Variants in ZFYVE9 observed in about 807,000 individuals in gnomAD.
ZFYVE9 encodes zinc finger FYVE-type containing 9, also known as zinc finger FYVE domain-containing protein 9.
In ZFYVE9, 43 loss-of-function variants were observed where a neutral mutation model predicts 126.7. The observed-to-expected ratio is 0.34, with a 90% confidence interval of 0.27 to 0.44. The LOEUF is 0.44. ZFYVE9 is among the 20% of genes least tolerant of loss of function. ZFYVE9 has a pLI of 1.00. For missense variants in ZFYVE9, 1,476 were observed against 1,697.0 expected (o/e 0.87, Z 2.29); for synonymous variants, 521 against 597.4 (o/e 0.87, Z 1.87).
intron 2 of ZFYVE9, among the ~76,000 whole-genome samples, chr1:52,226,721 A>G (rs1197402910): frequency 6.6e-6 from 1 of 152,216 alleles, no homozygotes; most frequent in Non-Finnish European, 1.5e-5. Flanking sequence ...TGAGACATCA[A>G]TCAACATATG....
intron 12 of ZFYVE9, among the ~76,000 whole-genome samples, chr1:52,303,428 T>C (rs1646053688): frequency 6.6e-6 from 1 of 152,188 alleles, no homozygotes; most frequent in Non-Finnish European, 1.5e-5. Context: ...CAGATATTCA[T>C]TGAGTGCCTA....
chr1:52,258,800 ATC>A, intron 4 of ZFYVE9, among the ~76,000 whole-genome samples: 1 of 151,728 alleles, frequency 6.6e-6, no homozygotes, highest in East Asian at 1.9e-4. Context: ...AACGTAAAGG[ATC>A]TCTCTATACT....
chr1:52,163,090 G>A (rs1016453878), intron 1 of ZFYVE9: 5 of 208,816 alleles, frequency 2.4e-5, no homozygotes, highest in South Asian at 1.5e-4. Flanking sequence ...TGTACTTTGC[G>A]TATTCTTCCC....
At chr1:52,157,834 A>G (rs1333863378) in intron 1 of ZFYVE9, among the ~76,000 whole-genome samples, 3 of 152,138 alleles carry the variant, frequency 2.0e-5, no homozygotes, top group East Asian at 1.9e-4. Context: ...CCTGGCCCCT[A>G]TTGCTATCAA....
At chr1:52,229,996 T>C (rs1299187875) in intron 2 of ZFYVE9, among the ~76,000 whole-genome samples, 1 of 151,862 alleles carries the variant, frequency 6.6e-6, no homozygotes, top group Non-Finnish European at 1.5e-5. Context: ...GCTTCCTGAG[T>C]AGCTGGGACT....
chr1:52,329,564 A>G (rs889920056), intron 13 of ZFYVE9, among the ~76,000 whole-genome samples: 1 of 152,180 alleles, frequency 6.6e-6, no homozygotes, highest in African/African-American at 2.4e-5. Flanking sequence ...AACCTATAAA[A>G]TGGGAGAAAA....
intron 10 of ZFYVE9, among the ~76,000 whole-genome samples, chr1:52,288,917 C>A (rs1645889789): frequency 8.2e-6 from 1 of 122,448 alleles, no homozygotes; most frequent in South Asian, 2.7e-4. Context: ...CAGAGCGAGA[C>A]TCTGTCTCAA....
At chr1:52,318,626 A>T (rs1646210049) in intron 13 of ZFYVE9, among the ~76,000 whole-genome samples, 1 of 152,012 alleles carries the variant, frequency 6.6e-6, no homozygotes, top group Non-Finnish European at 1.5e-5. Context: ...TTATATATAT[A>T]AAAAAAGACT....
At chr1:52,228,842 C>T (rs74856267) in intron 2 of ZFYVE9, among the ~76,000 whole-genome samples, 3,074 of 151,468 alleles carry the variant, frequency 0.02, 101 homozygotes, top group African/African-American at 0.07. Flanking sequence ...CAGTGCCTGA[C>T]ACTTGGTTAT....
At chr1:52,339,723 A>C (rs1412874258) in intron 16 of ZFYVE9, among the ~76,000 whole-genome samples, 1 of 152,252 alleles carries the variant, frequency 6.6e-6, no homozygotes, top group African/African-American at 2.4e-5. Context: ...CAGGTATGCA[A>C]ACATGAAGAA....
intron 1 of ZFYVE9, among the ~76,000 whole-genome samples, chr1:52,157,112 G>A (rs1001349477): frequency 3.3e-5 from 5 of 152,224 alleles, no homozygotes; most frequent in East Asian, 1.9e-4. Context: ...GATTACAGGC[G>A]TGAGCCACCG....
chr1:52,316,574 A>G (rs1469940100), intron 13 of ZFYVE9, among the ~76,000 whole-genome samples: 1 of 152,202 alleles, frequency 6.6e-6, no homozygotes, highest in Non-Finnish European at 1.5e-5. Flanking sequence ...AGGTTATTTC[A>G]GAACATATAT....
At chr1:52,182,505 T>G (rs1298000207) in intron 1 of ZFYVE9, among the ~76,000 whole-genome samples, 2 of 152,232 alleles carry the variant, frequency 1.3e-5, no homozygotes, top group East Asian at 3.9e-4. Flanking sequence ...TTAAATGGAT[T>G]AAGGGCGGTG....
chr1:52,244,007 GT>G (rs988270245), intron 4 of ZFYVE9, among the ~76,000 whole-genome samples: 3 of 152,164 alleles, frequency 2.0e-5, no homozygotes, highest in African/African-American at 7.2e-5. Context: ...GAGGAATGTA[GT>G]TTGTGAAAGG....
In ZFYVE9 at chr1:52,244,628, C is replaced by T. The variant is rs144313297; in HGVS notation, c.2178+5033C>T. On this transcript the variant is annotated intron_variant, in intron 4 of 18. Transcript: ENST00000287727. ...AATAGTGAATTGAAATTTCAAGAGC[C>T]CTTTGTGCTTGGCATCAAACTTTCA... Among the ~76,000 whole-genome samples, 12 of 152,160 alleles carry T rather than the reference C, an allele frequency of 7.9e-5. No individual in the cohort carries two copies. The East Asian group carries it at 2.3e-3, about 29-fold the overall frequency.
chr1:52,291,676 G>A (rs1282542564), intron 10 of ZFYVE9, among the ~76,000 whole-genome samples: 2 of 151,908 alleles, frequency 1.3e-5, no homozygotes, highest in Admixed American at 6.6e-5. Flanking sequence ...TCAGGAGTTC[G>A]AGACCAGCCT....
intron 1 of ZFYVE9, among the ~76,000 whole-genome samples, chr1:52,174,960 T>G (rs1644610365): frequency 6.6e-6 from 1 of 152,202 alleles, no homozygotes; most frequent in Non-Finnish European, 1.5e-5. Context: ...CTTTATCCAA[T>G]TTGCCAGTCT....
intron 1 of ZFYVE9, among the ~76,000 whole-genome samples, chr1:52,146,027 C>CCACACACACACACACACACACA (rs1168051378): frequency 4.8e-5 from 7 of 146,180 alleles, no homozygotes; most frequent in African/African-American, 1.8e-4. Context: ...TCAAAAATAT[C>CCACACACACACACACACACACA]CACACACACA....
rs746482071 is a variant in ZFYVE9, at chr1:52,295,884, C to G, written c.3251-11C>G. 1 of 1,609,052 alleles carries G rather than the reference C, an allele frequency of 6.2e-7. No homozygotes were observed. The highest frequency in any genetic ancestry group is 1.7e-5 in the Admixed American group (1 of 59,084). ...GCCAAATTTAAGTTTGATCATTTCT[C>G]ATTTCCATAGTTTATCCATGCCCAC... On this transcript the variant is annotated splice_polypyrimidine_tract_variant and intron_variant, in intron 11 of 18. Coordinates refer to ENST00000287727, the MANE Select transcript of ZFYVE9 (RefSeq NM_004799.4).
Sources: allele counts gnomAD v4.1 joint callset (sites outside exome capture counted in the v4.1 genomes callset), GRCh38; gene constraint gnomAD v4.1.1; transcripts MANE v1.5; gene names NCBI Gene and HGNC (gene_info 2026-07-23, HGNC 2026-07-21).